Variants in MCMDC2 observed in about 807,000 individuals in gnomAD.
The protein encoded by MCMDC2 is minichromosome maintenance domain containing 2.
MCMDC2 carries 54 observed loss-of-function variants against 75.8 expected under a neutral mutation model. The observed-to-expected ratio is 0.71, with a 90% CI of 0.57 to 0.89. The LOEUF (loss-of-function observed/expected upper bound fraction) is 0.89. Among genes scored for constraint, MCMDC2 ranks in the 40% least tolerant of loss-of-function variants. The probability of loss-of-function intolerance (pLI) is 0.00; values close to 1 mark genes in which losing one functional copy is unlikely to be tolerated. For missense variants in MCMDC2, 656 were observed against 780.4 expected (o/e 0.84, Z 1.90); for synonymous variants, 249 against 274.6 (o/e 0.91, Z 0.92).
intron 11 of MCMDC2, among the ~76,000 whole-genome samples, 197 bp from the exon 12 acceptor site, chr8:66,896,583 C>T (rs754166238): frequency 6.6e-6 from 1 of 151,794 alleles, no homozygotes; most frequent in Non-Finnish European, 1.5e-5. Context: ...TAAGAAAATA[C>T]TCACTAAAGA....
intron 11 of MCMDC2, 27 bp from the exon 12 acceptor site, chr8:66,896,753 T>C (rs369099843): frequency 5.9e-6 from 9 of 1,520,368 alleles, no homozygotes; most frequent in African/African-American, 1.4e-5. Context: ...GTTTAATGTT[T>C]GCCTGTTACC....
intron 12 of MCMDC2, among the ~76,000 whole-genome samples, chr8:66,898,820 G>C (rs1812486320): frequency 6.6e-6 from 1 of 152,154 alleles, no homozygotes; most frequent in Admixed American, 6.6e-5. Flanking sequence ...ATGCACAAAG[G>C]ATGGGTGTTC....
rs201225736 is a variant in MCMDC2 at position 66,902,168 on chromosome 8, A to AAAAC, written c.1769+838_1769+841dup. Among the ~76,000 whole-genome samples, 296 of 151,938 alleles carry AAAAC rather than the reference A, an allele frequency of 1.9e-3. 10 individuals carry two copies. In the East Asian group the frequency reaches 0.042, roughly 22 times the overall value. On this transcript the variant is annotated intron_variant, in intron 13 of 14. Transcript: ENST00000422365. ...ACATAGTGAGACCTCATCTGTATTT[A>AAAAC]AAACAAACAAACAAACAAACAGAGC...
chr8:66,882,271 AACAAT>A (rs1294892259), intron 8 of MCMDC2, among the ~76,000 whole-genome samples: 1 of 152,244 alleles, frequency 6.6e-6, no homozygotes. Flanking sequence ...TTGCATGAGG[AACAAT>A]AGATCAACTG....
At chr8:66,879,592 CAAAAA>C (rs1288033860) in intron 7 of MCMDC2, among the ~76,000 whole-genome samples, 2 of 150,550 alleles carry the variant, frequency 1.3e-5, no homozygotes, top group African/African-American at 2.4e-5. Flanking sequence ...GACTCTGTCT[CAAAAA>C]AGAAAAAAAA....
At chr8:66,884,693 G>A (rs963591253) in intron 9 of MCMDC2, 2 of 151,942 alleles carry the variant, frequency 1.3e-5, no homozygotes, top group Non-Finnish European at 2.9e-5. Flanking sequence ...ACCAAATGCC[G>A]AGATTGTACC....
intron 9 of MCMDC2, chr8:66,884,370 T>G (rs563980504): frequency 3.3e-5 from 7 of 209,164 alleles, no homozygotes; most frequent in African/African-American, 1.4e-4. Context: ...ATTGACTCAC[T>G]GCATCCAGAT....
At chr8:66,911,235 TG>T (rs1435610808) in intron 14 of MCMDC2, among the ~76,000 whole-genome samples, 1 of 152,138 alleles carries the variant, frequency 6.6e-6, no homozygotes, top group African/African-American at 2.4e-5. Flanking sequence ...AACTGAATCA[TG>T]GGGGTGATGT....
Position 66,881,006 on chromosome 8 carries a change from A to G in MCMDC2, c.835+32A>G, listed in dbSNP as rs61279065. On this transcript the variant is annotated intron_variant, in intron 8 of 14. Transcript: ENST00000422365. ...AAAATTTTAGTATTATATATTAACA[A>G]ATATTTAAATTTAAATCTATTTGTT... 4,902 of 1,383,454 alleles carry G rather than the reference A, an allele frequency of 3.5e-3. 154 individuals are homozygous for G. In the African/African-American group the frequency reaches 0.063, roughly 18 times the overall value. The allele number at this position is 1,383,454 out of a possible 1,614,324, so 85.7% of individuals were successfully genotyped here.
intron 12 of MCMDC2, among the ~76,000 whole-genome samples, chr8:66,898,209 T>C: frequency 6.6e-6 from 1 of 152,130 alleles, no homozygotes. Context: ...GCCAAAACAA[T>C]CTAGATTTAT....
chr8:66,901,705 C>G, intron 13 of MCMDC2: 1 of 884,422 alleles, frequency 1.1e-6, no homozygotes, highest in Non-Finnish European at 1.4e-6. Context: ...TCCGAGAGGG[C>G]AGATTGCCTG....
intron 13 of MCMDC2, among the ~76,000 whole-genome samples, chr8:66,904,858 G>GC (rs1319576557): frequency 1.3e-5 from 2 of 152,076 alleles, no homozygotes; most frequent in Non-Finnish European, 2.9e-5. Context: ...CAAAAATCTT[G>GC]CAAATCTATG....
At chr8:66,890,390 T>A (rs2130821997) in intron 9 of MCMDC2, among the ~76,000 whole-genome samples, 1 of 152,296 alleles carries the variant, frequency 6.6e-6, no homozygotes, top group East Asian at 1.9e-4. Context: ...AAAGACTTTT[T>A]TTTTTTTTAC....
In MCMDC2 at chr8:66,920,111, A is replaced by G. The variant is rs1022173832; in HGVS notation, c.*942A>G. 3 of 152,218 alleles carry G rather than the reference A, an allele frequency of 2.0e-5. No homozygotes were observed. The highest frequency in any genetic ancestry group is 7.2e-5 in the African/African-American group (3 of 41,462). 9.4% of individuals were successfully genotyped at this position (152,218 alleles called of 1,614,324 possible). ...TCTTTCAAAACTGGTCCCTTAACAG[A>G]GATGCTTAACTGTACAGCTGGACCT... On this transcript the variant is annotated 3_prime_UTR_variant, in exon 15 of 15. Coordinates refer to ENST00000422365, the MANE Select transcript of MCMDC2 (RefSeq NM_173518.5).
rs1176406255 is a variant in MCMDC2, at chr8:66,880,840, T to C, written c.710-9T>C. The C allele has an allele frequency of 6.6e-7, 1 of 1,524,262 alleles. No individual in the cohort carries two copies. The highest frequency in any genetic ancestry group is 8.8e-7 in the Non-Finnish European group (1 of 1,136,890). The allele number at this position is 1,524,262 out of a possible 1,614,324, so 94.4% of individuals were successfully genotyped here. ...AATATGTATTTTCTTCTGTCTTTAA[T>C]AATTTTAGATGAATCAGTGAATAAA... is the stretch of plus-strand genomic sequence containing the variant. On this transcript the variant is annotated splice_polypyrimidine_tract_variant and intron_variant, in intron 7 of 14. Transcript: ENST00000422365.
At chr8:66,908,165 G>A (rs7842770) in intron 14 of MCMDC2, among the ~76,000 whole-genome samples, 19,576 of 152,038 alleles carry the variant, frequency 0.13, 2,403 homozygotes, top group African/African-American at 0.32. Context: ...CCTAAATGGT[G>A]TTGCCTAGGT....
chr8:66,874,832 C>T (rs893099966), intron 4 of MCMDC2, among the ~76,000 whole-genome samples: 1 of 151,954 alleles, frequency 6.6e-6, no homozygotes, highest in Non-Finnish European at 1.5e-5. Context: ...AATCTCAGCT[C>T]ACTGCAACCT....
At chr8:66,894,544 G>C (rs1319027776) in intron 10 of MCMDC2, among the ~76,000 whole-genome samples, 1 of 151,972 alleles carries the variant, frequency 6.6e-6, no homozygotes, top group East Asian at 1.9e-4. Flanking sequence ...CCACTGTCCT[G>C]GTAAAAACAA....
rs747141389 is a variant in MCMDC2 at position 66,896,331 on chromosome 8, C to G, written c.1441C>G (p.Gln481Glu). The G allele has an allele frequency of 4.4e-6, 7 of 1,604,146 alleles. No individual in the cohort carries two copies. Among genetic ancestry groups the G allele is most frequent in the Non-Finnish European group, 5.9e-6 (7 of 1,177,664 alleles). The part of the protein sequence containing the change: ...NAQKINTLIG[Q>E]MDCSLIPANL... ...ACAGAAAATCAACACTCTAATTGGT[C>G]AGATGGTAAGGTATATGTATATTTT... The change falls in exon 11 of 15, where the codon CAG becomes GAG. Residue 481 changes from glutamine (Q) to glutamate (E), a missense_variant. Physicochemically the swap from Gln to Glu is conservative, Grantham distance 29. Coordinates refer to ENST00000422365, the MANE Select transcript of MCMDC2 (RefSeq NM_173518.5).
Sources: gnomAD v4.1 joint callset for allele counts (sites outside exome capture counted in the v4.1 genomes callset) on GRCh38, gnomAD v4.1.1 for gene constraint, MANE v1.5 for transcripts, NCBI Gene and HGNC (gene_info 2026-07-23, HGNC 2026-07-21) for gene names.